MRPL58: variants seen among roughly 807,000 people sequenced by gnomAD.
MRPL58 encodes large ribosomal subunit protein mL62.
MRPL58 carries 17 observed loss-of-function variants against 26.0 expected under a neutral mutation model. The ratio of observed to expected loss-of-function variants is 0.65; its 90% CI spans 0.45 to 0.98. The LOEUF is 0.98. Ranked by LOEUF, MRPL58 falls within the 50% of genes least tolerant of loss-of-function variation. The pLI is 0.00. For synonymous variants in MRPL58, 100 were observed against 99.7 expected, an observed-to-expected ratio of 1.00 and a Z score of -0.02; for missense variants, 250 against 269.0, an observed-to-expected ratio of 0.93 and a Z score of 0.49.
chr17:75,021,041 G>A lies in MRPL58; in HGVS notation c.*36G>A, dbSNP rs568020545. On this transcript the variant is annotated 3_prime_UTR_variant, in exon 6 of 6. Coordinates refer to ENST00000301585, the MANE Select transcript of MRPL58 (RefSeq NM_001545.3). ...TGCAGCTGGGAGGGCTCTTCTGGGC[G>A]TCCGGGCAGCTGCAGCTGAGAGGAC... 3.1e-5 allele frequency: 45 copies of A among 1,441,270 alleles called. 1 individual carries two copies. Among genetic ancestry groups the A allele is most frequent in the South Asian group, 1.3e-4 (11 of 87,650 alleles). The allele number at this position is 1,441,270 out of a possible 1,614,324, so 89.3% of individuals were successfully genotyped here. A position where few individuals can be genotyped will look rare whatever the true frequency, so the allele number is the denominator to read the frequency against.
At chr17:75,014,162 G>A (rs1244830920) in intron 1 of MRPL58, among the ~76,000 whole-genome samples, 1 of 149,620 alleles carries the variant, frequency 6.7e-6, no homozygotes, top group Non-Finnish European at 1.5e-5. Context: ...AATAAAAGAG[G>A]AATTGAAGTC....
chr17:75,012,936 C>T, intron 1 of MRPL58, 64 bp downstream of exon 1: 1 of 1,467,588 alleles, frequency 6.8e-7, no homozygotes, highest in Non-Finnish European at 9.3e-7. Flanking sequence ...GTTAGGAACC[C>T]CAGGCCCATT....
At chr17:75,014,911 A>C (rs1282900568) in intron 1 of MRPL58, among the ~76,000 whole-genome samples, 1 of 152,256 alleles carries the variant, frequency 6.6e-6, no homozygotes, top group Non-Finnish European at 1.5e-5. Flanking sequence ...AACAAAATAC[A>C]GGATCTCTCT....
At chr17:75,014,426 A>G (rs1598665340) in intron 1 of MRPL58, among the ~76,000 whole-genome samples, 1 of 123,070 alleles carries the variant, frequency 8.1e-6, no homozygotes, top group African/African-American at 3.3e-5. Flanking sequence ...CACGGGCGTG[A>G]GCCACCGCGC....
In MRPL58 at chr17:75,012,730, G is replaced by T. The variant is rs771716388; in HGVS notation, c.44G>T (p.Gly15Val). The change falls in exon 1 of 6, where the codon GGA becomes GTA. Residue 15 changes from glycine (G) to valine (V), a missense_variant. Physicochemically the swap from Gly to Val is moderately radical, Grantham distance 109 (BLOSUM62 -3). Coordinates refer to ENST00000301585, the MANE Select transcript of MRPL58 (RefSeq NM_001545.3). ...CTGCGCTGGGGCCTGAGCCGAGCCGGAGTCTGGCTGCTCCCACCGCCCGCA... is the reference window on the plus strand; with the variant it reads ...CTGCGCTGGGGCCTGAGCCGAGCCGTAGTCTGGCTGCTCCCACCGCCCGCA... ...RCLRWGLSRA[G>V]VWLLPPPARC... is the part of the protein sequence containing the mutation. 3.8e-6 allele frequency: 6 copies of T among 1,580,762 alleles called. No individual in the cohort carries two copies. The highest frequency in any genetic ancestry group is 5.1e-6 in the Non-Finnish European group (6 of 1,165,530).
intron 1 of MRPL58, among the ~76,000 whole-genome samples, chr17:75,013,707 G>A (rs879251384): frequency 1.3e-5 from 2 of 152,182 alleles, no homozygotes; most frequent in Admixed American, 1.3e-4. Context: ...CCTGGAAGAA[G>A]CCAGACAGCA....
chr17:75,018,398 A>G (rs542530774), intron 2 of MRPL58, among the ~76,000 whole-genome samples: 1 of 151,732 alleles, frequency 6.6e-6, no homozygotes, highest in South Asian at 2.1e-4. Flanking sequence ...CGCCCGGCTA[A>G]TTTTTTGTAT....
chr17:75,019,930 C>T (rs143680482), intron 3 of MRPL58, among the ~76,000 whole-genome samples, 171 bp downstream of exon 3: 65 of 152,280 alleles, frequency 4.3e-4, no homozygotes, highest in African/African-American at 1.4e-3. Flanking sequence ...GATTCTCAGA[C>T]ATTCAGCTGT....
intron 3 of MRPL58, 23 bp downstream of exon 3, chr17:75,019,782 CTTTTGCTTTA>C (rs1567981088): frequency 1.3e-6 from 2 of 1,576,864 alleles, no homozygotes; most frequent in East Asian, 2.3e-5. Flanking sequence ...TTGTTGCTTT[CTTTTGCTTTA>C]AAATGTAGCT....
intron 1 of MRPL58, among the ~76,000 whole-genome samples, chr17:75,015,353 A>C (rs9915753): frequency 0.24 from 36,485 of 152,106 alleles, 5,410 homozygotes; most frequent in Admixed American, 0.38. Context: ...GCGTGGTGGC[A>C]CACGCCTGTA....
intron 1 of MRPL58, among the ~76,000 whole-genome samples, chr17:75,013,317 A>C (rs2039947985): frequency 6.6e-6 from 1 of 152,242 alleles, no homozygotes; most frequent in South Asian, 2.1e-4. Flanking sequence ...GCATTTATTT[A>C]GCCAGCTGTG....
intron 5 of MRPL58, 86 bp downstream of exon 5, chr17:75,020,743 A>C: frequency 6.9e-7 from 1 of 1,450,864 alleles, no homozygotes; most frequent in South Asian, 1.2e-5. Flanking sequence ...GGAGAGTCCA[A>C]GGCCGGCCTT....
At chr17:75,013,118 G>A (rs2039945917) in intron 1 of MRPL58, among the ~76,000 whole-genome samples, 1 of 152,206 alleles carries the variant, frequency 6.6e-6, no homozygotes, top group Non-Finnish European at 1.5e-5. Flanking sequence ...TTCTACGTTC[G>A]TGTCCTTGGC....
At chr17:75,017,262 G>C (rs2039981134) in intron 2 of MRPL58, 148 bp downstream of exon 2, 1 of 655,630 alleles carries the variant, frequency 1.5e-6, no homozygotes, top group African/African-American at 1.8e-5. Context: ...TTGCACTCCA[G>C]CCTGGGCAAC....
Position 75,021,145 on chromosome 17 carries a change from G to A in MRPL58, c.*140G>A. ...ATAACATTGGAGCCATCACAAGAATGTTCATTTGGAATGAAGGCTGCAGGC... is the reference window on the plus strand; with the variant it reads ...ATAACATTGGAGCCATCACAAGAATATTCATTTGGAATGAAGGCTGCAGGC... On this transcript the variant is annotated 3_prime_UTR_variant, in exon 6 of 6. Transcript: ENST00000301585. 1 of 636,990 alleles carries A rather than the reference G, an allele frequency of 1.6e-6. No individual in the cohort carries two copies. Among genetic ancestry groups the A allele is most frequent in the Non-Finnish European group, 2.8e-6 (1 of 353,528 alleles). 39.5% of individuals were successfully genotyped at this position (636,990 alleles called of 1,614,324 possible). A position where few individuals can be genotyped will look rare whatever the true frequency, so the allele number is the denominator to read the frequency against.
chr17:75,013,981 A>T (rs1386847652), intron 1 of MRPL58, among the ~76,000 whole-genome samples: 1 of 152,162 alleles, frequency 6.6e-6, no homozygotes, highest in Non-Finnish European at 1.5e-5. Context: ...CCTTACAGAG[A>T]ACAGATAGAG....
intron 2 of MRPL58, 66 bp from the exon 3 acceptor site, chr17:75,019,634 C>A: frequency 6.7e-7 from 1 of 1,484,192 alleles, no homozygotes; most frequent in Non-Finnish European, 9.4e-7. Context: ...TCCTCAGACA[C>A]AACAAGACTG....
At chr17:75,014,111 A>C (rs2039954412) in intron 1 of MRPL58, among the ~76,000 whole-genome samples, 1 of 151,940 alleles carries the variant, frequency 6.6e-6, no homozygotes, top group Non-Finnish European at 1.5e-5. Context: ...TTGGAAAGAA[A>C]GCCTGCAAGA....
rs760671091 is a variant in MRPL58, at chr17:75,020,616, G to A, written c.495G>A (p.Pro165=). 14 of 1,614,008 alleles carry A rather than the reference G, an allele frequency of 8.7e-6. No homozygotes were observed. The highest frequency in any genetic ancestry group is 4.0e-5 in the African/African-American group (3 of 74,906). ...TGATCACTGAGGCCAGCCAGACACC[G>A]AAGGAGCCAACAAAAGAAGATGTTA... ...RDMITEASQT[P]KEPTKEDVKL... The change falls in exon 5 of 6, where the codon CCG becomes CCA. Residue 165 remains proline, a synonymous_variant. Coordinates refer to ENST00000301585, the MANE Select transcript of MRPL58 (RefSeq NM_001545.3).
Sources: allele counts gnomAD v4.1 joint callset (sites outside exome capture counted in the v4.1 genomes callset), GRCh38; gene constraint gnomAD v4.1.1; transcripts MANE v1.5; gene names NCBI Gene and HGNC (gene_info 2026-07-23, HGNC 2026-07-21).